NGF: variants seen among roughly 807,000 people sequenced by gnomAD.
NGF encodes the protein beta-nerve growth factor.
NGF carries 4 observed loss-of-function variants against 12.8 expected under a neutral mutation model. That is an observed-to-expected ratio of 0.31 (90% CI 0.15 to 0.72). The LOEUF is 0.72. Ranked by LOEUF, NGF falls within the 30% of genes least tolerant of loss-of-function variation. The pLI, the probability that NGF is intolerant of heterozygous loss-of-function variation, is 0.69. For missense variants in NGF, 283 were observed against 330.8 expected (o/e 0.86, Z 1.12); for synonymous variants, 140 against 130.0 (o/e 1.08, Z -0.52).
At chr1:115,289,053 C>T (rs1013730003) in intron 2 of NGF, among the ~76,000 whole-genome samples, 4 of 152,162 alleles carry the variant, frequency 2.6e-5, no homozygotes, top group African/African-American at 9.7e-5. Context: ...CTGTTTGCTC[C>T]AGTTCTCCAG....
rs1410696547 is a variant in NGF, at chr1:115,324,823, C to T, written c.-137+13381G>A. 2.6e-5 allele frequency among the ~76,000 whole-genome samples: 4 copies of T among 152,274 alleles called. No individual in the cohort carries two copies. In the East Asian group the frequency reaches 7.7e-4, roughly 29 times the overall value. ...CTGATCTCTTCTCCTAACATTCTGTCATAGGCTGTGTCTGTGCTATCCTTG... is the reference window on the plus strand; with the variant it reads ...CTGATCTCTTCTCCTAACATTCTGTTATAGGCTGTGTCTGTGCTATCCTTG... On this transcript the variant is annotated intron_variant, in intron 1 of 2. Transcript: ENST00000369512.
intron 1 of NGF, among the ~76,000 whole-genome samples, chr1:115,303,750 C>A (rs1226942436): frequency 6.6e-6 from 1 of 152,202 alleles, no homozygotes; most frequent in Non-Finnish European, 1.5e-5. Context: ...GGTTAAAGAA[C>A]TTTGGAGTCA....
At chr1:115,324,014 T>C (rs1033006742) in intron 1 of NGF, among the ~76,000 whole-genome samples, 4 of 152,350 alleles carry the variant, frequency 2.6e-5, no homozygotes, top group Non-Finnish European at 1.5e-5. Context: ...CTTGGAAATA[T>C]GATCTATGAC....
At chr1:115,315,711 G>C (rs1157367394) in intron 1 of NGF, among the ~76,000 whole-genome samples, 1 of 152,196 alleles carries the variant, frequency 6.6e-6, no homozygotes, top group African/African-American at 2.4e-5. Flanking sequence ...GAGAGGTCAA[G>C]GGCTATAAAT....
chr1:115,286,828 G>C (rs769519286), intron 2 of NGF, 21 bp from the exon 3 acceptor site: 97 of 1,613,628 alleles, frequency 6.0e-5, no homozygotes, highest in Non-Finnish European at 7.6e-5. Flanking sequence ...AAAGAAATGA[G>C]GGTGACTTCA....
chr1:115,320,835 T>G (rs1294852679), intron 1 of NGF, among the ~76,000 whole-genome samples: 3 of 152,194 alleles, frequency 2.0e-5, no homozygotes, highest in African/African-American at 7.2e-5. Flanking sequence ...TTGGAGCATC[T>G]GCTACTTTCT....
chr1:115,303,453 C>T (rs1363338354), intron 1 of NGF, among the ~76,000 whole-genome samples: 2 of 151,958 alleles, frequency 1.3e-5, no homozygotes, highest in Admixed American at 6.6e-5. Flanking sequence ...ACACCATCAT[C>T]ACCACTACTT....
At chr1:115,326,336 A>G (rs184890781) in intron 1 of NGF, among the ~76,000 whole-genome samples, 1 of 152,294 alleles carries the variant, frequency 6.6e-6, no homozygotes, top group African/African-American at 2.4e-5. Context: ...TGGTGGTGGC[A>G]ATGGTACTGA....
chr1:115,326,808 G>C (rs930850050), intron 1 of NGF, among the ~76,000 whole-genome samples: 2 of 152,292 alleles, frequency 1.3e-5, no homozygotes, highest in East Asian at 3.9e-4. Context: ...TCACACTCCT[G>C]GTCCAGGTTT....
rs746172339 is a variant in NGF, at chr1:115,317,502, G to T, written c.-137+20702C>A. Among the ~76,000 whole-genome samples the T allele has an allele frequency of 1.9e-4, 29 of 152,170 alleles. 1 individual carries two copies. The highest frequency in any genetic ancestry group is 3.1e-4 in the Non-Finnish European group (21 of 68,008). On this transcript the variant is annotated intron_variant, in intron 1 of 2. Transcript: ENST00000369512. ...GTTGTGTTGTCTCAATTAGAAAAAA[G>T]AAATCTATGAAGTCTGGATGCAGAA...
chr1:115,310,904 GGGA>G (rs1315880228), intron 1 of NGF, among the ~76,000 whole-genome samples: 1 of 152,032 alleles, frequency 6.6e-6, no homozygotes, highest in Non-Finnish European at 1.5e-5. Flanking sequence ...CAGGCGGAGT[GGGA>G]GGAGGAGGAG....
chr1:115,303,152 A>G (rs943869107), intron 1 of NGF, among the ~76,000 whole-genome samples: 5 of 152,068 alleles, frequency 3.3e-5, no homozygotes, highest in Non-Finnish European at 4.4e-5. Flanking sequence ...CTGAGCATGT[A>G]TGTTTTGCCT....
At chr1:115,297,879 G>T (rs779158278) in intron 1 of NGF, among the ~76,000 whole-genome samples, 5 of 152,312 alleles carry the variant, frequency 3.3e-5, no homozygotes, top group Non-Finnish European at 7.3e-5. Context: ...CATTGACCTG[G>T]AGTGCTGCCT....
chr1:115,336,360 T>C (rs1655108355), intron 1 of NGF, among the ~76,000 whole-genome samples: 1 of 152,168 alleles, frequency 6.6e-6, no homozygotes. Flanking sequence ...GCTTCCTTTT[T>C]CCCTTCACCT....
intron 1 of NGF, among the ~76,000 whole-genome samples, chr1:115,311,316 T>TA (rs778340245): frequency 7.2e-5 from 11 of 152,148 alleles, no homozygotes; most frequent in Non-Finnish European, 1.6e-4. Context: ...AAACTTGGAG[T>TA]TGTCATCCAG....
intron 1 of NGF, 110 bp downstream of exon 1, chr1:115,338,094 G>A (rs1487758446): frequency 6.6e-6 from 1 of 152,328 alleles, no homozygotes; most frequent in African/African-American, 2.4e-5. Flanking sequence ...GGGGTAACCA[G>A]AGAGCTCGCC....
At chr1:115,324,794 C>T (rs1033351106) in intron 1 of NGF, among the ~76,000 whole-genome samples, 2 of 152,166 alleles carry the variant, frequency 1.3e-5, no homozygotes, top group Non-Finnish European at 2.9e-5. Context: ...AATGCTAGAT[C>T]CCGCTGATCT....
intron 1 of NGF, among the ~76,000 whole-genome samples, chr1:115,304,684 C>A (rs1654146763): frequency 6.6e-6 from 1 of 152,138 alleles, no homozygotes; most frequent in South Asian, 2.1e-4. Flanking sequence ...TCCTCTCAGC[C>A]TCCAGAAGGA....
intron 1 of NGF, among the ~76,000 whole-genome samples, chr1:115,317,368 T>A (rs80292044): frequency 0.015 from 2,301 of 152,290 alleles, 38 homozygotes; most frequent in Non-Finnish European, 0.02. Context: ...AGCTTGACAA[T>A]AGAAGAGAGT....
Sources: allele counts gnomAD v4.1 joint callset (sites outside exome capture counted in the v4.1 genomes callset), GRCh38; gene constraint gnomAD v4.1.1; transcripts MANE v1.5; gene names NCBI Gene and HGNC (gene_info 2026-07-23, HGNC 2026-07-21).